The following AVPR1B variants were observed in gnomAD, a reference collection of about 807,000 sequenced individuals.
AVPR1B encodes arginine vasopressin receptor 1B.
Under a neutral mutation model 27.5 loss-of-function variants are expected in AVPR1B, and 25 were observed. The observed-to-expected ratio is 0.91, with a 90% CI of 0.66 to 1.27. The LOEUF (loss-of-function observed/expected upper bound fraction) is 1.27, where lower values mean the gene tolerates loss of function less well. AVPR1B is among the 50% of genes most tolerant of loss of function. The pLI is 0.00. For missense variants in AVPR1B, 595 were observed against 556.9 expected (o/e 1.07, Z -0.69); for synonymous variants, 248 against 240.2 (o/e 1.03, Z -0.30).
At chr1:206,114,295 G>A (rs995355760) in intron 1 of AVPR1B, among the ~76,000 whole-genome samples, 2 of 152,160 alleles carry the variant, frequency 1.3e-5, no homozygotes, top group African/African-American at 4.8e-5. Flanking sequence ...CCTGTGCACA[G>A]GGCCTGCCTA....
At chr1:206,113,248 AC>A (rs1323820465) in intron 1 of AVPR1B, among the ~76,000 whole-genome samples, 1 of 152,156 alleles carries the variant, frequency 6.6e-6, no homozygotes, top group Non-Finnish European at 1.5e-5. Context: ...TGGATCTACC[AC>A]ACCCAGTCCT....
At chr1:206,113,758 A>G (rs1274579173) in intron 1 of AVPR1B, among the ~76,000 whole-genome samples, 1 of 152,212 alleles carries the variant, frequency 6.6e-6, no homozygotes, top group Non-Finnish European at 1.5e-5. Flanking sequence ...TAAAGACCTC[A>G]ATTCAAGCCC....
chr1:206,112,724 A>G (rs1663400234), intron 1 of AVPR1B, among the ~76,000 whole-genome samples: 1 of 151,918 alleles, frequency 6.6e-6, no homozygotes, highest in Non-Finnish European at 1.5e-5. Flanking sequence ...CTTGGAATCA[A>G]TTGATCCCCC....
chr1:206,116,367 C>G lies in AVPR1B; in HGVS notation c.524G>C (p.Arg175Pro). The change falls in exon 1 of 2, where the codon CGG becomes CCG. Residue 175 changes from arginine (R) to proline (P), a missense_variant. Physicochemically the swap from Arg to Pro is moderately radical, Grantham distance 103. Transcript: ENST00000367126. ...CACCCCTGAGCCCTGGATCACCTCC[C>G]GCAGGGAAAAAATGAAGACTTGAGG... ...SLPQVFIFSL[R>P]EVIQGSGVLD... 1.2e-6 allele frequency: 2 copies of G among 1,613,672 alleles called. No individual in the cohort carries two copies. Among genetic ancestry groups the G allele is most frequent in the Non-Finnish European group, 1.7e-6 (2 of 1,180,032 alleles).
Position 206,110,331 on chromosome 1 carries a change from G to T in AVPR1B, c.1133C>A (p.Thr378Lys), listed in dbSNP as rs368239814. ...CGGGCAGCTGGAGCGGGTCAGCAGC[G>T]TGGTGTGGCGGCTCGAGAGGCTGCC... ...SDGSLSSRHTTLLTRSSCPAT... is the reference protein window; with the variant it reads ...SDGSLSSRHTKLLTRSSCPAT... Residue 378 changes from threonine (T) to lysine (K), a missense_variant, in exon 2 of 2, where the codon ACG becomes AAG. Thr to Lys is a moderately conservative substitution (Grantham distance 78, BLOSUM62 -1). Coordinates refer to ENST00000367126, the MANE Select transcript of AVPR1B (RefSeq NM_000707.5). 1 of 1,612,928 alleles carries T rather than the reference G, an allele frequency of 6.2e-7. No homozygotes were observed. The highest frequency in any genetic ancestry group is 1.7e-5 in the Admixed American group (1 of 59,920).
chr1:206,108,559 G>A lies in AVPR1B; in HGVS notation c.*1630C>T, dbSNP rs1350086304. ...CCCTCAGGAGCTCTTAATTAGATTA[G>A]TAATTCCTTACGTTAGTATAGAGCT... On this transcript the variant is annotated 3_prime_UTR_variant, in exon 2 of 2. Transcript: ENST00000367126. Among the ~76,000 whole-genome samples, 1 of 152,236 alleles carries A rather than the reference G, an allele frequency of 6.6e-6. No individual in the cohort carries two copies. The highest frequency in any genetic ancestry group is 1.9e-4 in the East Asian group (1 of 5,204).
In AVPR1B at chr1:206,115,957, CA is replaced by C; in HGVS notation, c.933del (p.Asp312MetfsTer69). 6.3e-7 allele frequency: 1 copy of C among 1,596,642 alleles called. No homozygotes were observed. The highest frequency in any genetic ancestry group is 8.6e-7 in the Non-Finnish European group (1 of 1,168,072). On this transcript the variant is annotated frameshift_variant, in exon 1 of 2. Coordinates refer to ENST00000367126, the MANE Select transcript of AVPR1B (RefSeq NM_000707.5). LOFTEE classifies it high-confidence loss of function. ...CCACATAGACCCCACTTGCCTTCAT[CA>C]GGGGCATTCTTGTCCCACACGGACC... ...QMWSVWDKNA[P>X]DEDSTNVAFT... is the part of the protein sequence containing the mutation.
Position 206,116,634 on chromosome 1 carries a change from A to T in AVPR1B, c.257T>A (p.Phe86Tyr), listed in dbSNP as rs1663479663. 6.2e-7 allele frequency: 1 copy of T among 1,613,698 alleles called. No homozygotes were observed. Among genetic ancestry groups the T allele is most frequent in the Non-Finnish European group, 8.5e-7 (1 of 1,179,908 alleles). ...CCACAGCAGCTGTGGCAGCACCTGG[A>T]AGAGCGCCACGGCCAGGTCTGTCAG... ...LALTDLAVAL[F>Y]QVLPQLLWDI... is the part of the protein sequence containing the mutation. Residue 86 changes from phenylalanine to tyrosine, a missense_variant, in exon 1 of 2, where the codon TTC becomes TAC. Physicochemically the swap from Phe to Tyr is conservative, Grantham distance 22. Coordinates refer to ENST00000367126, the MANE Select transcript of AVPR1B (RefSeq NM_000707.5).
Position 206,110,288 on chromosome 1 carries a change from G to A in AVPR1B, c.1176C>T (p.Ser392=). The A allele has an allele frequency of 6.2e-7, 1 of 1,613,974 alleles. No homozygotes were observed. Among genetic ancestry groups the A allele is most frequent in the Non-Finnish European group, 8.5e-7 (1 of 1,180,026 alleles). The change falls in exon 2 of 2, where the codon AGC becomes AGT. Residue 392 remains serine, a synonymous_variant. Transcript: ENST00000367126. ...GCCTCCCACTGAGGGTTAGGCTGAGGCTGAGGCTGAGGGTGGCCGGGCAGC... is the reference window on the plus strand; with the variant it reads ...GCCTCCCACTGAGGGTTAGGCTGAGACTGAGGCTGAGGGTGGCCGGGCAGC... ...RSSCPATLSL[S]LSLTLSGRPR...
In AVPR1B at chr1:206,116,058, C is replaced by G. The variant is rs369649163; in HGVS notation, c.833G>C (p.Arg278Pro). ...SINTISRAKI[R>P]TVKMTFVIVL... ...GATGACAAAGGTCATCTTCACTGTT[C>G]GGATCTTGGCCCGTGAGATGGTGTT... The change falls in exon 1 of 2, where the codon CGA becomes CCA. Residue 278 changes from arginine (R) to proline (P), a missense_variant. By Grantham distance (103) the Arg-to-Pro change is moderately radical. Transcript: ENST00000367126. The G allele has an allele frequency of 7.4e-6, 12 of 1,614,208 alleles. No homozygotes were observed. In the Admixed American group the frequency reaches 1.3e-4, roughly 18 times the overall value.
chr1:206,116,553 A>G lies in AVPR1B; in HGVS notation c.338T>C (p.Leu113Pro). The G allele has an allele frequency of 6.2e-7, 1 of 1,614,166 alleles. No individual in the cohort carries two copies. Among genetic ancestry groups the G allele is most frequent in the Non-Finnish European group, 8.5e-7 (1 of 1,180,020 alleles). ...GGAGGCAAACATGCTGAGCACCTGCAGGTACTTGACGGCCCTGCACAGGAG... is the reference window on the plus strand; with the variant it reads ...GGAGGCAAACATGCTGAGCACCTGCGGGTACTTGACGGCCCTGCACAGGAG... The part of the protein sequence containing the change: ...PDLLCRAVKY[L>P]QVLSMFASTY... Residue 113 changes from leucine to proline, a missense_variant, in exon 1 of 2, where the codon CTG (leucine) becomes CCG (proline). Coordinates refer to ENST00000367126, the MANE Select transcript of AVPR1B (RefSeq NM_000707.5).
intron 1 of AVPR1B, 41 bp from the exon 2 acceptor site, chr1:206,110,564 C>G (rs782282005): frequency 1.3e-6 from 2 of 1,537,212 alleles, no homozygotes; most frequent in African/African-American, 2.7e-5. Context: ...AATGGCAGCT[C>G]GAAGGGACCT....
intron 1 of AVPR1B, among the ~76,000 whole-genome samples, chr1:206,111,797 A>G (rs978518232): frequency 2.0e-5 from 3 of 152,252 alleles, no homozygotes; most frequent in African/African-American, 7.2e-5. Flanking sequence ...AACATGAGTC[A>G]TAGGAGTGGG....
intron 1 of AVPR1B, among the ~76,000 whole-genome samples, chr1:206,112,691 G>C (rs1293313756): frequency 1.2e-4 from 18 of 151,996 alleles, no homozygotes; most frequent in African/African-American, 2.2e-4. Flanking sequence ...AGGTCTCACT[G>C]TTTCCCAGGC....
chr1:206,117,143 G>A lies in AVPR1B; in HGVS notation c.-253C>T, dbSNP rs1553290685. ...GGGAGAAGGAGGGGTCAGGAAGATGGGGAATCAGGACGGGAAGAATGGGGG... is the reference window on the plus strand; with the variant it reads ...GGGAGAAGGAGGGGTCAGGAAGATGAGGAATCAGGACGGGAAGAATGGGGG... On this transcript the variant is annotated 5_prime_UTR_variant, in exon 1 of 2. Coordinates refer to ENST00000367126, the MANE Select transcript of AVPR1B (RefSeq NM_000707.5). 11 of 515,908 alleles carry A rather than the reference G, an allele frequency of 2.1e-5. No homozygotes were observed. The highest frequency in any genetic ancestry group is 3.8e-5 in the Non-Finnish European group (11 of 292,796). 32.0% of individuals were successfully genotyped at this position (515,908 alleles called of 1,614,324 possible). A position where few individuals can be genotyped will look rare whatever the true frequency, so the allele number is the denominator to read the frequency against.
Position 206,117,088 on chromosome 1 carries a change from A to G in AVPR1B, c.-198T>C. ...AGGAGGGAGGATGAGATTCGGAAGG[A>G]GAAAATGTGACTGGGATCGACCCAG... On this transcript the variant is annotated 5_prime_UTR_variant, in exon 1 of 2. Coordinates refer to ENST00000367126, the MANE Select transcript of AVPR1B (RefSeq NM_000707.5). The G allele has an allele frequency of 3.1e-6, 2 of 642,142 alleles. No individual in the cohort carries two copies. Among genetic ancestry groups the G allele is most frequent in the South Asian group, 1.9e-5 (1 of 53,288 alleles). The allele number at this position is 642,142 out of a possible 1,614,324, so 39.8% of individuals were successfully genotyped here. A position where few individuals can be genotyped will look rare whatever the true frequency, so the allele number is the denominator to read the frequency against.
At chr1:206,113,137 C>T (rs531731516) in intron 1 of AVPR1B, among the ~76,000 whole-genome samples, 50 of 152,290 alleles carry the variant, frequency 3.3e-4, no homozygotes, top group African/African-American at 8.9e-4. Flanking sequence ...GTTTGGCTCA[C>T]GTGAGCCAGG....
chr1:206,114,726 G>C (rs1324832892), intron 1 of AVPR1B, among the ~76,000 whole-genome samples: 2 of 152,116 alleles, frequency 1.3e-5, no homozygotes, highest in African/African-American at 4.8e-5. Context: ...GTTATTAATG[G>C]GGTTGAGGAA....
At chr1:206,115,474 A>C (rs1393960018) in intron 1 of AVPR1B, among the ~76,000 whole-genome samples, 1 of 152,216 alleles carries the variant, frequency 6.6e-6, no homozygotes, top group Non-Finnish European at 1.5e-5. Context: ...TAGTAACATG[A>C]AGAGGTTGAA....
Sources: gnomAD v4.1 joint callset for allele counts (sites outside exome capture counted in the v4.1 genomes callset) on GRCh38, gnomAD v4.1.1 for gene constraint, MANE v1.5 for transcripts, NCBI Gene and HGNC (gene_info 2026-07-23, HGNC 2026-07-21) for gene names.